EP300: variants seen among roughly 807,000 people sequenced by gnomAD.
The protein encoded by EP300 is histone acetyltransferase p300.
EP300 carries 31 observed loss-of-function variants against 264.0 expected under a neutral mutation model. The ratio of observed to expected loss-of-function variants is 0.12; its 90% confidence interval spans 0.09 to 0.16. EP300 has a LOEUF of 0.16. Among genes scored for constraint, EP300 ranks in the 10% least tolerant of loss-of-function variants. The pLI is 1.00. For synonymous variants in EP300, 1,340 were observed against 1,045.4 expected (o/e 1.28, Z -5.44); for missense variants, 2,766 against 3,052.9 (o/e 0.91, Z 2.21).
intron 2 of EP300, among the ~76,000 whole-genome samples, chr22:41,121,677 C>T (rs1031539525): frequency 2.6e-5 from 4 of 152,102 alleles, no homozygotes; most frequent in African/African-American, 9.7e-5. Flanking sequence ...GGTTGAAATT[C>T]AGTTGGTCTA....
chr22:41,172,701 A>AT, intron 28 of EP300, 38 bp downstream of exon 28: 1 of 1,593,412 alleles, frequency 6.3e-7, no homozygotes, highest in Non-Finnish European at 8.6e-7. Context: ...TTCTATCATG[A>AT]TTCTAATATT....
At chr22:41,159,733 G>A (rs1328852995) in intron 19 of EP300, 1 of 152,236 alleles carries the variant, frequency 6.6e-6, no homozygotes, top group African/African-American at 2.4e-5. Context: ...GGAGTGCAGT[G>A]GCGCAATCTT....
At chr22:41,163,184 C>T (rs1266944087) in intron 21 of EP300, among the ~76,000 whole-genome samples, 1 of 151,912 alleles carries the variant, frequency 6.6e-6, no homozygotes, top group Non-Finnish European at 1.5e-5. Flanking sequence ...GCCTGTAATC[C>T]CAGCACTTTG....
At chr22:41,163,929 T>G in intron 21 of EP300, 124 bp from the exon 22 acceptor site, 2 of 917,808 alleles carry the variant, frequency 2.2e-6, no homozygotes, top group African/African-American at 3.3e-5. Context: ...GAAACTTTAT[T>G]AAAACTATTT....
chr22:41,172,898 A>G (rs1346290954), intron 28 of EP300, among the ~76,000 whole-genome samples: 1 of 152,252 alleles, frequency 6.6e-6, no homozygotes, highest in East Asian at 1.9e-4. Flanking sequence ...ATGTGAAATG[A>G]TAAAAGAAAC....
chr22:41,178,902 C>T lies in EP300; in HGVS notation c.7191C>T (p.Thr2397=), dbSNP rs376984096. The change falls in exon 31 of 31, where the codon ACC becomes ACT. Residue 2397 remains threonine (T), a synonymous_variant. Coordinates refer to ENST00000263253, the MANE Select transcript of EP300 (RefSeq NM_001429.4). ...GASATDLGLS[T]DNSDLNSNLS... Reference sequence around the variant, plus strand: ...GCGCCACGGACCTGGGACTCAGCACCGATAACTCAGACTTGAATTCAAACC... The same window carrying T: ...GCGCCACGGACCTGGGACTCAGCACTGATAACTCAGACTTGAATTCAAACC... The T allele has an allele frequency of 2.5e-5, 41 of 1,614,026 alleles. No homozygotes were observed. Among genetic ancestry groups the T allele is most frequent in the Middle Eastern group, 1.6e-4 (1 of 6,084 alleles).
chr22:41,093,509 A>G (rs139951351), intron 1 of EP300, among the ~76,000 whole-genome samples: 1 of 152,100 alleles, frequency 6.6e-6, no homozygotes, highest in Non-Finnish European at 1.5e-5. Context: ...TGTTTCCTCT[A>G]CTTTCCACTC....
chr22:41,177,172 C>G lies in EP300; in HGVS notation c.5461C>G (p.Arg1821Gly). ...GCTCCGGCAGCAACAGCTGCAGCACCGACTACAGCAGGCCCAAATGCTTCG... is the reference window on the plus strand; with the variant it reads ...GCTCCGGCAGCAACAGCTGCAGCACGGACTACAGCAGGCCCAAATGCTTCG... ...QKLRQQQLQH[R>G]LQQAQMLRRR... Residue 1821 changes from arginine (R) to glycine (G), a missense_variant, in exon 31 of 31, where the codon CGA becomes GGA. Transcript: ENST00000263253. 6.2e-7 allele frequency: 1 copy of G among 1,614,110 alleles called. No individual in the cohort carries two copies. The highest frequency in any genetic ancestry group is 8.5e-7 in the Non-Finnish European group (1 of 1,180,018).
chr22:41,177,090 C>G lies in EP300; in HGVS notation c.5379C>G (p.Ala1793=). The change falls in exon 31 of 31, where the codon GCC becomes GCG. Residue 1793 remains alanine (A), a synonymous_variant. Transcript: ENST00000263253. The part of the protein sequence containing the change: ...KQLIALCCYH[A]KHCQENKCPV... ...TCATTGCCCTCTGCTGCTACCATGC[C>G]AAGCACTGCCAGGAGAACAAATGCC... is the stretch of plus-strand genomic sequence containing the variant. 6.2e-7 allele frequency: 1 copy of G among 1,614,156 alleles called. No homozygotes were observed. Among genetic ancestry groups the G allele is most frequent in the Non-Finnish European group, 8.5e-7 (1 of 1,180,012 alleles).
intron 17 of EP300, among the ~76,000 whole-genome samples, chr22:41,156,434 T>TA (rs76194580): frequency 0.52 from 79,394 of 151,974 alleles, 23,404 homozygotes; most frequent in Admixed American, 0.72. Flanking sequence ...TTTAAACTGT[T>TA]ACTTGGCCGG....
intron 1 of EP300, among the ~76,000 whole-genome samples, chr22:41,097,916 G>C (rs924710125): frequency 2.6e-5 from 4 of 151,612 alleles, no homozygotes; most frequent in Non-Finnish European, 4.4e-5. Context: ...TGATGGTCTC[G>C]ATCTCCTGAC....
intron 8 of EP300, 71 bp downstream of exon 8, chr22:41,137,861 A>G: frequency 4.4e-6 from 7 of 1,604,210 alleles, no homozygotes; most frequent in Non-Finnish European, 6.0e-6. Flanking sequence ...TCTCCTGGGC[A>G]TTTAATTACT....
intron 29 of EP300, among the ~76,000 whole-genome samples, chr22:41,175,899 G>C (rs1325610458): frequency 2.0e-5 from 3 of 152,198 alleles, no homozygotes; most frequent in African/African-American, 7.2e-5. Flanking sequence ...GCGTATGGTG[G>C]TGAAACTAAC....
chr22:41,131,430 C>T lies in EP300; in HGVS notation c.1325C>T (p.Ser442Phe). 1 of 1,614,084 alleles carries T rather than the reference C, an allele frequency of 6.2e-7. No homozygotes were observed. The highest frequency in any genetic ancestry group is 8.5e-7 in the Non-Finnish European group (1 of 1,180,010). ...CCCGTTGGACTTGGAAATCCTAGCT[C>T]TCTAGGGGTGGGTCAACAGTCTGCC... ...GAPVGLGNPS[S>F]LGVGQQSAPN... Residue 442 changes from serine to phenylalanine, a missense_variant, in exon 6 of 31, where the codon TCT becomes TTT. By Grantham distance (155) the Ser-to-Phe change is radical. Transcript: ENST00000263253.
At chr22:41,131,328 G>A in intron 5 of EP300, 60 bp from the exon 6 acceptor site, 1 of 1,564,714 alleles carries the variant, frequency 6.4e-7, no homozygotes, top group Admixed American at 1.7e-5. Flanking sequence ...TATTAGACAT[G>A]TTAGTCTTTT....
chr22:41,138,583 T>TA (rs1370944080), intron 8 of EP300, among the ~76,000 whole-genome samples: 2 of 152,146 alleles, frequency 1.3e-5, no homozygotes, highest in African/African-American at 4.8e-5. Context: ...ACTCTCCCCT[T>TA]ACGAACTCCA....
In EP300 at chr22:41,140,150, A is replaced by C; in HGVS notation, c.1771A>C (p.Ile591Leu). 1 of 1,613,664 alleles carries C rather than the reference A, an allele frequency of 6.2e-7. No homozygotes were observed. The highest frequency in any genetic ancestry group is 8.5e-7 in the Non-Finnish European group (1 of 1,179,540). The change falls in exon 9 of 31, where the codon ATA (isoleucine) becomes CTA (leucine). Residue 591 changes from isoleucine to leucine, a missense_variant. Coordinates refer to ENST00000263253, the MANE Select transcript of EP300 (RefSeq NM_001429.4). ...ATTTTCTTTTTCCAGCGTCCAAGCC[A>C]TATTTCCTACGCCGGATCCTGCTGC... ...NHLVHKLVQA[I>L]FPTPDPAALK...
Position 41,176,957 on chromosome 22 carries a change from G to A in EP300, c.5246G>A (p.Arg1749Gln), listed in dbSNP as rs759298489. The part of the protein sequence containing the change: ...IQSLVHACQC[R>Q]NANCSLPSCQ... ...TCTCTGGTCCATGCTTGCCAGTGTC[G>A]GAATGCCAATTGCTCACTGCCATCC... The change falls in exon 31 of 31, where the codon CGG (arginine) becomes CAG (glutamine). Residue 1749 changes from arginine to glutamine, a missense_variant. Coordinates refer to ENST00000263253, the MANE Select transcript of EP300 (RefSeq NM_001429.4). 1 of 1,613,948 alleles carries A rather than the reference G, an allele frequency of 6.2e-7. No individual in the cohort carries two copies. Among genetic ancestry groups the A allele is most frequent in the Non-Finnish European group, 8.5e-7 (1 of 1,180,006 alleles).
At chr22:41,165,603 G>C (rs2059129741) in intron 22 of EP300, among the ~76,000 whole-genome samples, 1 of 151,668 alleles carries the variant, frequency 6.6e-6, no homozygotes, top group Admixed American at 6.6e-5. Context: ...TTTGTATTTT[G>C]GTAGAGACAG....
Sources: gnomAD v4.1 joint callset for allele counts (sites outside exome capture counted in the v4.1 genomes callset) on GRCh38, gnomAD v4.1.1 for gene constraint, MANE v1.5 for transcripts, NCBI Gene and HGNC (gene_info 2026-07-23, HGNC 2026-07-21) for gene names.